Variants in AGBL4 observed in about 807,000 individuals in gnomAD.
The protein encoded by AGBL4 is AGBL carboxypeptidase 4.
Under a neutral mutation model 66.4 loss-of-function variants are expected in AGBL4, and 58 were observed. That is an observed-to-expected ratio of 0.87 (90% CI 0.71 to 1.09). The LOEUF (loss-of-function observed/expected upper bound fraction) is 1.09. Ranked by LOEUF, AGBL4 falls within the 50% of genes least tolerant of loss-of-function variation. AGBL4 has a pLI of 0.00. For synonymous variants in AGBL4, 234 were observed against 222.9 expected (o/e 1.05, Z -0.44); for missense variants, 579 against 631.0 (o/e 0.92, Z 0.88).
intron 2 of AGBL4, among the ~76,000 whole-genome samples, chr1:49,787,030 C>T (rs1571565034): frequency 6.6e-6 from 1 of 152,298 alleles, no homozygotes; most frequent in East Asian, 1.9e-4. Context: ...TCCTTCAATA[C>T]TGTACAAGAT....
At chr1:49,786,577 G>A (rs558585421) in intron 2 of AGBL4, among the ~76,000 whole-genome samples, 1 of 151,900 alleles carries the variant, frequency 6.6e-6, no homozygotes, top group Non-Finnish European at 1.5e-5. Flanking sequence ...TCTCAACCAG[G>A]GATTTTACAA....
rs199717158 is a variant in AGBL4, at chr1:49,877,555, G to A, written c.35-26037C>T. On this transcript the variant is annotated intron_variant, in intron 1 of 13. Coordinates refer to ENST00000371839, the MANE Select transcript of AGBL4 (RefSeq NM_032785.4). ...GCTTTTTGATGGGCTGCTGGATTCG[G>A]TTTGCCAGTATTTTATTGAGGATTT... 8.0e-3 allele frequency among the ~76,000 whole-genome samples: 1,207 copies of A among 151,800 alleles called. 10 individuals carry two copies. Among genetic ancestry groups the A allele is most frequent in the Middle Eastern group, 0.031 (9 of 294 alleles).
At chr1:49,460,896 G>T (rs1226871652) in intron 3 of AGBL4, among the ~76,000 whole-genome samples, 1 of 151,660 alleles carries the variant, frequency 6.6e-6, no homozygotes, top group African/African-American at 2.4e-5. Flanking sequence ...GCTAATAATT[G>T]TTTTGTTTTA....
At chr1:48,982,427 T>A (rs899365247) in intron 5 of AGBL4, among the ~76,000 whole-genome samples, 2 of 151,984 alleles carry the variant, frequency 1.3e-5, no homozygotes, top group African/African-American at 4.8e-5. Context: ...TTCCCACCTA[T>A]GAGTGAGAAC....
intron 2 of AGBL4, among the ~76,000 whole-genome samples, chr1:49,752,938 C>A (rs984748744): frequency 1.3e-5 from 2 of 152,184 alleles, no homozygotes; most frequent in African/African-American, 2.4e-5. Flanking sequence ...TTCCCACATC[C>A]CTTTATTTTG....
rs1452203412 is a variant in AGBL4, at chr1:48,944,142, ACAG to A, written c.595-76915_595-76913del. Reference sequence around the variant, plus strand: ...ATGGCATGTAGAAATAGTCAAGGTAACAGCATAATACATGACAGCATGGAAGGA... The same window carrying A: ...ATGGCATGTAGAAATAGTCAAGGTAACATAATACATGACAGCATGGAAGGA... On this transcript the variant is annotated intron_variant, in intron 5 of 13. Transcript: ENST00000371839. 3.9e-5 allele frequency among the ~76,000 whole-genome samples: 6 copies of A among 152,288 alleles called. No homozygotes were observed. The South Asian group carries it at 8.3e-4, about 21-fold the overall frequency.
At chr1:48,724,276 G>T (rs1647195586) in intron 6 of AGBL4, among the ~76,000 whole-genome samples, 1 of 152,206 alleles carries the variant, frequency 6.6e-6, no homozygotes, top group Non-Finnish European at 1.5e-5. Context: ...AGAAGCTGGT[G>T]TTAAGAAAGA....
chr1:48,842,650 G>A (rs188813750), intron 6 of AGBL4, among the ~76,000 whole-genome samples: 10 of 152,216 alleles, frequency 6.6e-5, no homozygotes, highest in African/African-American at 2.2e-4. Flanking sequence ...TGTATGATCC[G>A]GCAATCCTAC....
In AGBL4 at chr1:49,333,374, A is replaced by C. The variant is rs1423217349; in HGVS notation, c.283-87510T>G. Among the ~76,000 whole-genome samples the C allele has an allele frequency of 2.0e-5, 3 of 152,178 alleles. No individual in the cohort carries two copies. In the East Asian group the frequency reaches 5.8e-4, roughly 29 times the overall value. On this transcript the variant is annotated intron_variant, in intron 3 of 13. Transcript: ENST00000371839. ...ATGCCTGTAATCCCAGCCACTTGGGAGGCTGAGGCAGGAGAATCACTTGAA... is the reference window on the plus strand; with the variant it reads ...ATGCCTGTAATCCCAGCCACTTGGGCGGCTGAGGCAGGAGAATCACTTGAA...
chr1:49,841,977 G>A (rs1646005680), intron 2 of AGBL4: 2 of 496,132 alleles, frequency 4.0e-6, no homozygotes, highest in Non-Finnish European at 3.7e-6. Flanking sequence ...CCTCGTCCTT[G>A]CACACAGTCT....
intron 1 of AGBL4, among the ~76,000 whole-genome samples, chr1:49,933,905 T>A (rs1653641400): frequency 6.6e-6 from 1 of 152,116 alleles, no homozygotes; most frequent in Non-Finnish European, 1.5e-5. Context: ...TAATAATCCA[T>A]CTCTGTTAAT....
chr1:49,864,011 G>A (rs1646640575), intron 1 of AGBL4, among the ~76,000 whole-genome samples: 2 of 152,098 alleles, frequency 1.3e-5, no homozygotes, highest in Admixed American at 1.3e-4. Context: ...AAAAACCGAA[G>A]TGTTCACCAG....
In AGBL4 at chr1:49,178,679, A is replaced by G. The variant is rs1335099753; in HGVS notation, c.377+67091T>C. Among the ~76,000 whole-genome samples, 3 of 152,174 alleles carry G rather than the reference A, an allele frequency of 2.0e-5. No homozygotes were observed. The East Asian group carries it at 5.8e-4, about 29-fold the overall frequency. ...TTTAATCTTTATGAGAACAAGGACC[A>G]TTCCTGCTTTGTGCCTTGATCACTG... On this transcript the variant is annotated intron_variant, in intron 4 of 13. Coordinates refer to ENST00000371839, the MANE Select transcript of AGBL4 (RefSeq NM_032785.4).
intron 6 of AGBL4, among the ~76,000 whole-genome samples, chr1:48,733,021 C>T (rs776804114): frequency 6.6e-6 from 1 of 152,122 alleles, no homozygotes; most frequent in African/African-American, 2.4e-5. Flanking sequence ...CACTGGGGAC[C>T]TTGGTGAAAA....
intron 3 of AGBL4, among the ~76,000 whole-genome samples, chr1:49,392,644 C>A (rs1644875213): frequency 6.6e-6 from 1 of 151,862 alleles, no homozygotes; most frequent in Non-Finnish European, 1.5e-5. Flanking sequence ...TACTCACGAG[C>A]CTTGTCACAT....
chr1:48,792,477 T>C (rs1367017086), intron 6 of AGBL4, among the ~76,000 whole-genome samples: 2 of 152,248 alleles, frequency 1.3e-5, no homozygotes, highest in African/African-American at 4.8e-5. Flanking sequence ...TAACACTTAA[T>C]GAGTTCCCTG....
chr1:49,067,630 C>T (rs560955027), intron 4 of AGBL4, among the ~76,000 whole-genome samples: 24 of 152,260 alleles, frequency 1.6e-4, no homozygotes, highest in Admixed American at 1.4e-3. Context: ...TAAATTAGAC[C>T]TCTGACTGAA....
chr1:49,510,997 T>C (rs1381633207), intron 3 of AGBL4, among the ~76,000 whole-genome samples: 1 of 151,840 alleles, frequency 6.6e-6, no homozygotes, highest in Non-Finnish European at 1.5e-5. Flanking sequence ...CCTTGTAGTA[T>C]AGTTTGAAGT....
chr1:48,606,125 A>C (rs1362862661), intron 9 of AGBL4, among the ~76,000 whole-genome samples: 2 of 152,170 alleles, frequency 1.3e-5, no homozygotes, highest in African/African-American at 4.8e-5. Context: ...GCCTTAAGAC[A>C]AAATAGTTGT....
Sources: gnomAD v4.1 joint callset for allele counts (sites outside exome capture counted in the v4.1 genomes callset) on GRCh38, gnomAD v4.1.1 for gene constraint, MANE v1.5 for transcripts, NCBI Gene and HGNC (gene_info 2026-07-23, HGNC 2026-07-21) for gene names.